MYZAP: variants seen among roughly 807,000 people sequenced by gnomAD.
MYZAP encodes the protein myocardial zonula adherens protein, also known as GRINL1A complex locus upstream.
MYZAP carries 66 observed loss-of-function variants against 69.4 expected under a neutral mutation model. The ratio of observed to expected loss-of-function variants is 0.95; its 90% CI spans 0.78 to 1.17. MYZAP has a LOEUF of 1.17. Among genes scored for constraint, MYZAP ranks in the 50% most tolerant of loss-of-function variants. The pLI, the probability that MYZAP is intolerant of heterozygous loss-of-function variation, is 0.00. For synonymous variants in MYZAP, 256 were observed against 205.9 expected (o/e 1.24, Z -2.09); for missense variants, 611 against 556.2 (o/e 1.10, Z -0.99).
chr15:57,653,288 C>T (rs2037818477), intron 10 of MYZAP, among the ~76,000 whole-genome samples: 1 of 152,050 alleles, frequency 6.6e-6, no homozygotes, highest in Non-Finnish European at 1.5e-5. Flanking sequence ...AAGTTTATGC[C>T]ATTACATTAT....
At chr15:57,598,545 C>T (rs2034211743) in intron 1 of MYZAP, among the ~76,000 whole-genome samples, 1 of 152,200 alleles carries the variant, frequency 6.6e-6, no homozygotes, top group African/African-American at 2.4e-5. Flanking sequence ...CCTATGTTTT[C>T]CCTTCCGTCC....
intron 4 of MYZAP, among the ~76,000 whole-genome samples, chr15:57,623,812 A>T (rs1449118731): frequency 6.6e-6 from 1 of 152,096 alleles, no homozygotes; most frequent in African/African-American, 2.4e-5. Flanking sequence ...TAAAAAAAAA[A>T]AAAAGAAAAA....
At chr15:57,677,560 A>G (rs192109901) in intron 12 of MYZAP, among the ~76,000 whole-genome samples, 20 of 152,358 alleles carry the variant, frequency 1.3e-4, no homozygotes, top group East Asian at 3.9e-4. Context: ...TTGGACTTCA[A>G]ATTTGCATCT....
rs180938629 is a variant in MYZAP at position 57,620,822 on chromosome 15, A to G, written c.319-786A>G. ...TCCTCTTAGCCATGAGTCTGTTAAA[A>G]CACATTCTACTTGTAAAAACATGTG... On this transcript the variant is annotated intron_variant, in intron 3 of 12. Coordinates refer to ENST00000267853, the MANE Select transcript of MYZAP (RefSeq NM_001018100.5). Among the ~76,000 whole-genome samples the G allele has an allele frequency of 5.7e-4, 86 of 152,210 alleles. 2 individuals carry two copies. The East Asian group carries it at 0.016, about 28-fold the overall frequency.
chr15:57,608,065 A>G (rs1318885501), intron 2 of MYZAP, among the ~76,000 whole-genome samples: 1 of 152,166 alleles, frequency 6.6e-6, no homozygotes, highest in Non-Finnish European at 1.5e-5. Context: ...AGGCCAGGGG[A>G]TTGGAGCTGG....
chr15:57,606,705 G>A (rs927515685), intron 2 of MYZAP, among the ~76,000 whole-genome samples: 1 of 149,594 alleles, frequency 6.7e-6, no homozygotes, highest in Non-Finnish European at 1.5e-5. Context: ...TTGTGCACAT[G>A]TACCCTAAAA....
At chr15:57,627,291 G>T (rs1265406378) in intron 5 of MYZAP, among the ~76,000 whole-genome samples, 1 of 150,990 alleles carries the variant, frequency 6.6e-6, no homozygotes, top group African/African-American at 2.4e-5. Context: ...TAGTTATCAT[G>T]CAGGCTCTTA....
intron 11 of MYZAP, among the ~76,000 whole-genome samples, chr15:57,673,484 G>T (rs950200241): frequency 6.7e-6 from 1 of 149,226 alleles, no homozygotes; most frequent in Non-Finnish European, 1.5e-5. Flanking sequence ...GTGTGTGTGT[G>T]TGTGTGTGTG....
intron 10 of MYZAP, 144 bp downstream of exon 10, chr15:57,639,689 A>G: frequency 9.4e-6 from 8 of 855,134 alleles, no homozygotes; most frequent in Non-Finnish European, 1.5e-5. Flanking sequence ...CCAGAGTGGG[A>G]TTTCCCCACA....
intron 4 of MYZAP, among the ~76,000 whole-genome samples, chr15:57,623,393 C>T (rs1311286486): frequency 1.3e-5 from 2 of 152,106 alleles, no homozygotes; most frequent in Non-Finnish European, 2.9e-5. Flanking sequence ...TTTATTGTAG[C>T]ATTGTTTGTA....
In MYZAP at chr15:57,674,989, T is replaced by G. The variant is rs1278325457; in HGVS notation, c.1225T>G (p.Leu409Val). 3 of 1,613,348 alleles carry G rather than the reference T, an allele frequency of 1.9e-6. No homozygotes were observed. The highest frequency in any genetic ancestry group is 2.5e-6 in the Non-Finnish European group (3 of 1,179,568). ...CCAGAATAATGAACTACAAAGCAGG[T>G]TGGACTATTTAACAGAAACCCAGGC... ...EGENNELQSR[L>V]DYLTETQAKT... Residue 409 changes from leucine to valine, a missense_variant, in exon 12 of 13, where the codon TTG (leucine) becomes GTG (valine). Transcript: ENST00000267853.
intron 10 of MYZAP, among the ~76,000 whole-genome samples, chr15:57,649,144 A>G (rs532133976): frequency 3.9e-4 from 59 of 152,288 alleles, no homozygotes; most frequent in Non-Finnish European, 6.0e-4. Flanking sequence ...TAACTTATTT[A>G]TCCTATTGAT....
intron 12 of MYZAP, among the ~76,000 whole-genome samples, chr15:57,683,486 G>C (rs2039539660): frequency 6.6e-6 from 1 of 152,146 alleles, no homozygotes; most frequent in South Asian, 2.1e-4. Flanking sequence ...CAGGTGACAA[G>C]TCCCTTGAAT....
chr15:57,634,386 A>C (rs1434385455), intron 8 of MYZAP, among the ~76,000 whole-genome samples: 1 of 152,212 alleles, frequency 6.6e-6, no homozygotes, highest in Non-Finnish European at 1.5e-5. Context: ...TTCTGGACCC[A>C]GGAGTTCAGG....
chr15:57,679,198 A>T (rs2039299290), intron 12 of MYZAP, among the ~76,000 whole-genome samples: 1 of 152,142 alleles, frequency 6.6e-6, no homozygotes, highest in Non-Finnish European at 1.5e-5. Context: ...CATTTAGTTG[A>T]TGCTCAATAA....
chr15:57,660,594 A>G (rs2038240359), intron 10 of MYZAP, among the ~76,000 whole-genome samples: 1 of 152,198 alleles, frequency 6.6e-6, no homozygotes, highest in African/African-American at 2.4e-5. Context: ...GGATCATAGG[A>G]GTGAACTACT....
At chr15:57,672,808 C>G (rs1279183763) in intron 11 of MYZAP, among the ~76,000 whole-genome samples, 1 of 152,196 alleles carries the variant, frequency 6.6e-6, no homozygotes, top group Non-Finnish European at 1.5e-5. Context: ...TTTTCTTACT[C>G]TCTTTCCCTT....
At chr15:57,631,494 G>A (rs1157258603) in intron 6 of MYZAP, among the ~76,000 whole-genome samples, 1 of 150,858 alleles carries the variant, frequency 6.6e-6, no homozygotes, top group Non-Finnish European at 1.5e-5. Flanking sequence ...AGGAACTCAG[G>A]GTATGTTACA....
At position 57,605,934 on chromosome 15, in the gene MYZAP, TA is replaced by T. The variant is rs201246168; in HGVS notation, c.162+1587del. On this transcript the variant is annotated intron_variant, in intron 2 of 12. Coordinates refer to ENST00000267853, the MANE Select transcript of MYZAP (RefSeq NM_001018100.5). ...TCATGGCTTATAACACATCGAATAT[TA>T]AAAAAAATCCATACGTTTGTAGTGA... Among the ~76,000 whole-genome samples, 38 of 151,784 alleles carry T rather than the reference TA, an allele frequency of 2.5e-4. No individual in the cohort carries two copies. The South Asian group carries it at 7.7e-3, about 31-fold the overall frequency.
Sources: allele counts gnomAD v4.1 joint callset (sites outside exome capture counted in the v4.1 genomes callset), GRCh38; gene constraint gnomAD v4.1.1; transcripts MANE v1.5; gene names NCBI Gene and HGNC (gene_info 2026-07-23, HGNC 2026-07-21).